Variants in HAO1 observed in about 807,000 individuals in gnomAD.
HAO1 encodes the protein hydroxyacid oxidase 1, also known as 2-Hydroxyacid oxidase 1.
Under a neutral mutation model 39.7 loss-of-function variants are expected in HAO1, and 34 were observed. The observed-to-expected ratio is 0.86, with a 90% CI of 0.65 to 1.14. The LOEUF is 1.14. Ranked by LOEUF, HAO1 falls within the 50% of genes most tolerant of loss-of-function variation. The pLI is 0.00. For synonymous variants in HAO1, 172 were observed against 173.2 expected (o/e 0.99, Z 0.05); for missense variants, 479 against 464.5 (o/e 1.03, Z -0.29).
Position 7,883,462 on chromosome 20 carries a change from G to A in HAO1, c.*131C>T. The A allele has an allele frequency of 2.8e-6, 2 of 707,294 alleles. No homozygotes were observed. The highest frequency in any genetic ancestry group is 5.1e-6 in the Non-Finnish European group (2 of 393,588). 43.8% of individuals were successfully genotyped at this position (707,294 alleles called of 1,614,324 possible). ...ATGAAATAAAAGGGATTGCTATTTTGTTGGAAAAGAACGACACCCTTTGTA... is the reference window on the plus strand; with the variant it reads ...ATGAAATAAAAGGGATTGCTATTTTATTGGAAAAGAACGACACCCTTTGTA... On this transcript the variant is annotated 3_prime_UTR_variant, in exon 8 of 8. Transcript: ENST00000378789.
At chr20:7,887,162 T>C (rs2050154858) in intron 5 of HAO1, among the ~76,000 whole-genome samples, 4 of 152,218 alleles carry the variant, frequency 2.6e-5, no homozygotes, top group Admixed American at 2.6e-4. Flanking sequence ...GCTACTTTGA[T>C]GTGAATCTGC....
intron 5 of HAO1, among the ~76,000 whole-genome samples, chr20:7,891,983 G>A (rs2050176231): frequency 6.6e-6 from 1 of 152,174 alleles, no homozygotes; most frequent in Admixed American, 6.5e-5. Context: ...CTGTTTACCT[G>A]CAACCAACAT....
chr20:7,888,674 G>C (rs955786746), intron 5 of HAO1, among the ~76,000 whole-genome samples: 7 of 152,078 alleles, frequency 4.6e-5, no homozygotes, highest in African/African-American at 1.4e-4. Flanking sequence ...CTGATTGTTT[G>C]CAACTGCAAA....
At chr20:7,893,659 T>C (rs948259305) in intron 5 of HAO1, among the ~76,000 whole-genome samples, 8 of 152,246 alleles carry the variant, frequency 5.3e-5, no homozygotes, top group African/African-American at 1.7e-4. Flanking sequence ...AGAGGACAAT[T>C]CGACTCTCTA....
intron 1 of HAO1, among the ~76,000 whole-genome samples, chr20:7,939,623 A>G (rs2050431578): frequency 6.6e-6 from 1 of 152,132 alleles, no homozygotes; most frequent in Non-Finnish European, 1.5e-5. Context: ...ATAAAAAAAA[A>G]CCCTTTGAAA....
chr20:7,925,753 A>G (rs2050356218), intron 2 of HAO1, among the ~76,000 whole-genome samples: 1 of 152,146 alleles, frequency 6.6e-6, no homozygotes, highest in South Asian at 2.1e-4. Flanking sequence ...GTCATCAGGC[A>G]CATTAATAAT....
At chr20:7,890,367 C>A (rs755606505) in intron 5 of HAO1, among the ~76,000 whole-genome samples, 3 of 152,010 alleles carry the variant, frequency 2.0e-5, no homozygotes, top group Non-Finnish European at 4.4e-5. Flanking sequence ...ATGCCAACCA[C>A]CATGCCCGGC....
intron 2 of HAO1, among the ~76,000 whole-genome samples, chr20:7,926,453 C>T (rs766037047): frequency 9.2e-5 from 14 of 152,070 alleles, no homozygotes; most frequent in Non-Finnish European, 1.6e-4. Flanking sequence ...TATATCTAGT[C>T]GGTCGCCTAG....
Position 7,885,805 on chromosome 20 carries a change from G to T in HAO1, c.873C>A (p.Asp291Glu). The T allele has an allele frequency of 1.2e-6, 2 of 1,613,180 alleles. No homozygotes were observed. Among genetic ancestry groups the T allele is most frequent in the Non-Finnish European group, 8.5e-7 (1 of 1,179,216 alleles). ...CATCAGTGCCTTTCCGCACACCCCC[G>T]TCCAGGAAGACTTCCACCTTCCCTT... Reference protein sequence around the residue: ...AVEGKVEVFLDGGVRKGTDVL... With the variant: ...AVEGKVEVFLEGGVRKGTDVL... The change falls in exon 6 of 8, where the codon GAC (aspartate) becomes GAA (glutamate). Residue 291 changes from aspartate (D) to glutamate (E), a missense_variant. Transcript: ENST00000378789.
chr20:7,930,607 T>A (rs574584087), intron 2 of HAO1, among the ~76,000 whole-genome samples: 1 of 152,050 alleles, frequency 6.6e-6, no homozygotes. Flanking sequence ...AGGAAGCCAA[T>A]AAAAGAGGGT....
intron 5 of HAO1, among the ~76,000 whole-genome samples, chr20:7,891,544 A>C (rs1253820683): frequency 6.6e-6 from 1 of 152,118 alleles, no homozygotes; most frequent in Admixed American, 6.6e-5. Flanking sequence ...TCTTTAGTTT[A>C]ATTAACTCCC....
chr20:7,908,394 A>G (rs978435814), intron 3 of HAO1, among the ~76,000 whole-genome samples: 1 of 105,560 alleles, frequency 9.5e-6, no homozygotes. Flanking sequence ...GTCTCAAAAT[A>G]AAAAAAAAAA....
chr20:7,913,170 G>GTTT (rs11438122), intron 3 of HAO1, among the ~76,000 whole-genome samples: 5 of 134,294 alleles, frequency 3.7e-5, no homozygotes, highest in African/African-American at 8.1e-5. Flanking sequence ...CTAGTTTTTT[G>GTTT]TTTTTTTTTT....
intron 2 of HAO1, among the ~76,000 whole-genome samples, chr20:7,919,454 C>T (rs951045455): frequency 1.3e-5 from 2 of 152,078 alleles, no homozygotes; most frequent in Non-Finnish European, 2.9e-5. Flanking sequence ...CATACAATCA[C>T]TAAAAGGGAC....
At chr20:7,929,741 A>T (rs1281965414) in intron 2 of HAO1, among the ~76,000 whole-genome samples, 1 of 152,086 alleles carries the variant, frequency 6.6e-6, no homozygotes, top group Admixed American at 6.5e-5. Flanking sequence ...GTGCGTGCCT[A>T]TAGTCCTAGC....
intron 4 of HAO1, among the ~76,000 whole-genome samples, chr20:7,895,435 G>A (rs908955527): frequency 2.6e-5 from 4 of 151,934 alleles, no homozygotes; most frequent in African/African-American, 4.8e-5. Context: ...TACTACTTAC[G>A]GCAATTTAAT....
intron 2 of HAO1, among the ~76,000 whole-genome samples, chr20:7,932,610 TG>T (rs2050390730): frequency 6.6e-6 from 1 of 152,226 alleles, no homozygotes; most frequent in Non-Finnish European, 1.5e-5. Flanking sequence ...ACCTGACTAT[TG>T]TTTGCAACTG....
chr20:7,921,217 C>G (rs528974718), intron 2 of HAO1, among the ~76,000 whole-genome samples: 1 of 152,156 alleles, frequency 6.6e-6, no homozygotes, highest in African/African-American at 2.4e-5. Flanking sequence ...CAACAAAGGT[C>G]TAATATCCAG....
At chr20:7,907,158 C>A (rs927471414) in intron 3 of HAO1, among the ~76,000 whole-genome samples, 4 of 152,114 alleles carry the variant, frequency 2.6e-5, no homozygotes, top group Non-Finnish European at 5.9e-5. Flanking sequence ...TTTCCCTCCC[C>A]CTTTTAGTTG....
Sources: gnomAD v4.1 joint callset for allele counts (sites outside exome capture counted in the v4.1 genomes callset) on GRCh38, gnomAD v4.1.1 for gene constraint, MANE v1.5 for transcripts, NCBI Gene and HGNC (gene_info 2026-07-23, HGNC 2026-07-21) for gene names.